Variants in RPGRIP1L observed in about 807,000 individuals in gnomAD.
RPGRIP1L encodes the protein RPGRIP1 like, also known as protein fantom.
RPGRIP1L carries 131 observed loss-of-function variants against 160.4 expected under a neutral mutation model. The ratio of observed to expected loss-of-function variants is 0.82; its 90% CI spans 0.71 to 0.94. RPGRIP1L has a LOEUF of 0.94. Ranked by LOEUF, RPGRIP1L falls within the 40% of genes least tolerant of loss-of-function variation. The pLI is 0.00. For missense variants in RPGRIP1L, 1,522 were observed against 1,535.8 expected, an observed-to-expected ratio of 0.99 and a Z score of 0.15; for synonymous variants, 510 against 515.8, an observed-to-expected ratio of 0.99 and a Z score of 0.15.
At chr16:53,618,958 T>C in intron 24 of RPGRIP1L, 67 bp downstream of exon 24, 2 of 1,281,102 alleles carry the variant, frequency 1.6e-6, no homozygotes, top group Middle Eastern at 2.3e-4. Context: ...CTCTCTGTTC[T>C]TTCCACTTCT....
Position 53,647,391 on chromosome 16 carries a change from T to C in RPGRIP1L, c.2305-1388A>G, listed in dbSNP as rs1161118705. On this transcript the variant is annotated intron_variant, in intron 16 of 26. Transcript: ENST00000647211. ...TGGCCTAGAAACCAGCAGAATGTCC[T>C]CTCCATCTGATCTCCATTTTTTTCT... Among the ~76,000 whole-genome samples, 3 of 152,240 alleles carry C rather than the reference T, an allele frequency of 2.0e-5. No homozygotes were observed. The East Asian group carries it at 5.8e-4, about 29-fold the overall frequency.
chr16:53,620,700 T>A (rs1296234221), intron 23 of RPGRIP1L, among the ~76,000 whole-genome samples: 1 of 152,218 alleles, frequency 6.6e-6, no homozygotes, highest in Non-Finnish European at 1.5e-5. Flanking sequence ...CGGTTTCAAC[T>A]AATAACCTCA....
intron 24 of RPGRIP1L, among the ~76,000 whole-genome samples, chr16:53,617,937 A>G (rs1004111702): frequency 6.6e-6 from 1 of 152,204 alleles, no homozygotes; most frequent in Non-Finnish European, 1.5e-5. Flanking sequence ...ATTTTGCTAA[A>G]AATAACACAA....
At chr16:53,649,235 A>G (rs1222345626) in intron 15 of RPGRIP1L, 120 bp from the exon 16 acceptor site, 10 of 779,214 alleles carry the variant, frequency 1.3e-5, no homozygotes, top group Non-Finnish European at 1.9e-5. Flanking sequence ...GTAAAATAAT[A>G]TGACTTGCAC....
intron 9 of RPGRIP1L, 50 bp from the exon 10 acceptor site, chr16:53,665,059 C>A (rs367601159): frequency 3.9e-5 from 63 of 1,608,938 alleles, no homozygotes; most frequent in Non-Finnish European, 4.9e-5. Context: ...CAGCTTCAAC[C>A]GAAAATAATA....
intron 22 of RPGRIP1L, among the ~76,000 whole-genome samples, chr16:53,623,205 C>A (rs1227232411): frequency 6.6e-6 from 1 of 152,066 alleles, no homozygotes; most frequent in Non-Finnish European, 1.5e-5. Flanking sequence ...CAGAAGGTAG[C>A]AATTTGACAG....
At chr16:53,673,374 C>T (rs939069534) in intron 7 of RPGRIP1L, among the ~76,000 whole-genome samples, 4 of 152,128 alleles carry the variant, frequency 2.6e-5, no homozygotes, top group African/African-American at 9.7e-5. Flanking sequence ...TCTAAAAATG[C>T]TGTAGCATGG....
Position 53,657,453 on chromosome 16 carries a change from CT to C in RPGRIP1L, c.1580del (p.Gln527ArgfsTer7), listed in dbSNP as rs1218462959. The C allele has an allele frequency of 6.3e-7, 1 of 1,596,492 alleles. No individual in the cohort carries two copies. Among genetic ancestry groups the C allele is most frequent in the Admixed American group, 1.7e-5 (1 of 59,848 alleles). ...IMQHKINKDYQMEVEAVTRKM... is the reference protein window; with the variant it reads ...IMQHKINKDYXMEVEAVTRKM... ...TTCCCCATTTAGTGTATTACATTAC[CT>C]GATAATCTTTATTAATTTTGTGTTG... On this transcript the variant is annotated frameshift_variant and splice_region_variant, in exon 13 of 27. Coordinates refer to ENST00000647211, the MANE Select transcript of RPGRIP1L (RefSeq NM_015272.5). LOFTEE classifies it high-confidence loss of function.
intron 2 of RPGRIP1L, among the ~76,000 whole-genome samples, chr16:53,698,255 C>CGT (rs1567897137): frequency 1.3e-5 from 2 of 151,446 alleles, no homozygotes; most frequent in Non-Finnish European, 1.5e-5. Context: ...GCAGCCGACC[C>CGT]GTCCGGGAGG....
rs533957774 is a variant in RPGRIP1L at position 53,617,018 on chromosome 16, G to A, written c.3616+2007C>T. On this transcript the variant is annotated intron_variant, in intron 24 of 26. Coordinates refer to ENST00000647211, the MANE Select transcript of RPGRIP1L (RefSeq NM_015272.5). ...ACCCAGGAAGTGGAGGTTGCAGTAAGCCAAGATTGTGCCACTGCACTCCAG... is the reference window on the plus strand; with the variant it reads ...ACCCAGGAAGTGGAGGTTGCAGTAAACCAAGATTGTGCCACTGCACTCCAG... Among the ~76,000 whole-genome samples, 4 of 133,150 alleles carry A rather than the reference G, an allele frequency of 3.0e-5. No individual in the cohort carries two copies. The South Asian group carries it at 7.0e-4, about 23-fold the overall frequency. 87.4% of individuals were successfully genotyped at this position (133,150 alleles called of 152,430 possible). A position where few individuals can be genotyped will look rare whatever the true frequency, so the allele number is the denominator to read the frequency against.
chr16:53,622,824 C>CACAA, intron 22 of RPGRIP1L, among the ~76,000 whole-genome samples: 1 of 151,718 alleles, frequency 6.6e-6, no homozygotes, highest in African/African-American at 2.4e-5. Flanking sequence ...CACACACACA[C>CACAA]ACACACACAC....
At chr16:53,625,481 G>A (rs1245842448) in intron 22 of RPGRIP1L, among the ~76,000 whole-genome samples, 1 of 147,168 alleles carries the variant, frequency 6.8e-6, no homozygotes, top group Non-Finnish European at 1.5e-5. Flanking sequence ...GGGCTGGGGG[G>A]GGCGCGCCTC....
chr16:53,696,910 C>T (rs565109910), intron 2 of RPGRIP1L, among the ~76,000 whole-genome samples: 7 of 152,042 alleles, frequency 4.6e-5, no homozygotes, highest in Admixed American at 1.3e-4. Context: ...TGGTATTTTC[C>T]GAGCCAGGCT....
intron 10 of RPGRIP1L, among the ~76,000 whole-genome samples, chr16:53,663,416 G>A (rs1967977849): frequency 6.6e-6 from 1 of 151,984 alleles, no homozygotes; most frequent in Non-Finnish European, 1.5e-5. Context: ...TGATATCTAA[G>A]TAAACACAGA....
intron 25 of RPGRIP1L, 53 bp from the exon 26 acceptor site, chr16:53,605,667 C>T (rs772687689): frequency 1.5e-4 from 244 of 1,590,468 alleles, no homozygotes; most frequent in Non-Finnish European, 2.0e-4. Context: ...GAAATCACCA[C>T]GAGACAAAAC....
intron 16 of RPGRIP1L, among the ~76,000 whole-genome samples, chr16:53,647,260 T>C (rs1966617415): frequency 6.6e-6 from 1 of 152,198 alleles, no homozygotes. Context: ...CTGAAAGTCA[T>C]AGAAACTAAT....
chr16:53,625,355 C>T (rs1005504069), intron 22 of RPGRIP1L, among the ~76,000 whole-genome samples: 16 of 147,420 alleles, frequency 1.1e-4, no homozygotes, highest in South Asian at 6.5e-4. Flanking sequence ...TGGTGGGGAG[C>T]GCCTCCGCCC....
chr16:53,645,891 G>T lies in RPGRIP1L; in HGVS notation c.2417C>A (p.Ala806Glu). ...IRCCNHLQSR[A>E]SHLQPHPYVV... Reference sequence around the variant, plus strand: ...ATATGGGTGTGGCTGCAGGTGGCTTGCTCGGGACTGCAGGTGGTTGCAACA... The same window carrying T: ...ATATGGGTGTGGCTGCAGGTGGCTTTCTCGGGACTGCAGGTGGTTGCAACA... The change falls in exon 17 of 27, where the codon GCA becomes GAA. Residue 806 changes from alanine (A) to glutamate (E), a missense_variant. Transcript: ENST00000647211. 1 of 1,614,126 alleles carries T rather than the reference G, an allele frequency of 6.2e-7. No homozygotes were observed. The highest frequency in any genetic ancestry group is 2.2e-5 in the East Asian group (1 of 44,876).
In RPGRIP1L at chr16:53,599,567, A is replaced by C. The variant is rs1397390619; in HGVS notation, c.*2509T>G. 1 of 152,244 alleles carries C rather than the reference A, an allele frequency of 6.6e-6. No individual in the cohort carries two copies. Among genetic ancestry groups the C allele is most frequent in the Non-Finnish European group, 1.5e-5 (1 of 68,042 alleles). 9.4% of individuals were successfully genotyped at this position (152,244 alleles called of 1,614,324 possible). A position where few individuals can be genotyped will look rare whatever the true frequency, so the allele number is the denominator to read the frequency against. On this transcript the variant is annotated 3_prime_UTR_variant, in exon 27 of 27. Coordinates refer to ENST00000647211, the MANE Select transcript of RPGRIP1L (RefSeq NM_015272.5). ...AAAAAAGTGCTGCGTGCACTGGTCT[A>C]GTTACACCAAGAAGTGTATGTTCAC...
Sources: gnomAD v4.1 joint callset for allele counts (sites outside exome capture counted in the v4.1 genomes callset) on GRCh38, gnomAD v4.1.1 for gene constraint, MANE v1.5 for transcripts, NCBI Gene and HGNC (gene_info 2026-07-23, HGNC 2026-07-21) for gene names.